MTHFD2L: variants seen among roughly 807,000 people sequenced by gnomAD.
MTHFD2L encodes bifunctional methylenetetrahydrofolate dehydrogenase/cyclohydrolase 2, mitochondrial.
A neutral mutation model predicts 34.9 loss-of-function variants in MTHFD2L; 29 were observed. The observed-to-expected ratio is 0.83, with a 90% CI of 0.62 to 1.13. MTHFD2L has a LOEUF of 1.13. Among genes scored for constraint, MTHFD2L ranks in the 50% most tolerant of loss-of-function variants. The pLI, the probability that MTHFD2L is intolerant of heterozygous loss-of-function variation, is 0.00. For missense variants in MTHFD2L, 481 were observed against 446.5 expected (o/e 1.08, Z -0.70); for synonymous variants, 167 against 155.7 (o/e 1.07, Z -0.54).
At chr4:74,164,999 A>G (rs1298453951) in intron 1 of MTHFD2L, 1 of 985,302 alleles carries the variant, frequency 1.0e-6, no homozygotes, top group Non-Finnish European at 1.2e-6. Flanking sequence ...TAAGGGGTCA[A>G]ATGGATTTTA....
intron 5 of MTHFD2L, among the ~76,000 whole-genome samples, chr4:74,204,773 T>G (rs1431253740): frequency 6.6e-6 from 1 of 152,176 alleles, no homozygotes; most frequent in African/African-American, 2.4e-5. Flanking sequence ...GAATTAAACA[T>G]TTTAATTTAT....
intron 6 of MTHFD2L, among the ~76,000 whole-genome samples, chr4:74,261,270 G>C (rs561023266): frequency 6.6e-6 from 1 of 152,008 alleles, no homozygotes; most frequent in Non-Finnish European, 1.5e-5. Context: ...GAACTAATGA[G>C]AAAGTTCAGC....
At chr4:74,299,203 AT>A (rs1214461831) in intron 7 of MTHFD2L, among the ~76,000 whole-genome samples, 8 of 151,822 alleles carry the variant, frequency 5.3e-5, no homozygotes. Context: ...TTTGAAATAA[AT>A]CATTTTGTTT....
intron 6 of MTHFD2L, among the ~76,000 whole-genome samples, chr4:74,228,810 G>C (rs1739575285): frequency 6.6e-6 from 1 of 152,190 alleles, no homozygotes; most frequent in Non-Finnish European, 1.5e-5. Flanking sequence ...CAAGACAGGA[G>C]CCAGGAGGTA....
chr4:74,169,464 C>G (rs1440407), intron 1 of MTHFD2L, among the ~76,000 whole-genome samples: 119,430 of 152,240 alleles, frequency 0.78, 51,911 homozygotes, highest in Non-Finnish European at 0.96. Flanking sequence ...TCAGCAGTAG[C>G]ATCACTACTC....
rs1188474492 is a variant in MTHFD2L, at chr4:74,194,672, T to C, written c.452-5122T>C. 3 of 152,210 alleles carry C rather than the reference T, an allele frequency of 2.0e-5. No homozygotes were observed. The East Asian group carries it at 5.8e-4, about 29-fold the overall frequency. The allele number at this position is 152,210 out of a possible 1,614,324, so 9.4% of individuals were successfully genotyped here. On this transcript the variant is annotated intron_variant, in intron 3 of 7. Coordinates refer to ENST00000325278, the MANE Select transcript of MTHFD2L (RefSeq NM_001144978.3). ...TTAGCCTAAAGGTTTTTCTGTATAT[T>C]GTGAACTATAACAAGTAGAGGTGTA... is the stretch of plus-strand genomic sequence containing the variant.
At chr4:74,270,414 T>C (rs754235784) in intron 6 of MTHFD2L, among the ~76,000 whole-genome samples, 2 of 150,978 alleles carry the variant, frequency 1.3e-5, no homozygotes, top group Non-Finnish European at 3.0e-5. Context: ...AGTGAGAACA[T>C]GCAGTGTTTG....
chr4:74,300,572 T>C (rs915591801), intron 7 of MTHFD2L, among the ~76,000 whole-genome samples: 3 of 152,108 alleles, frequency 2.0e-5, no homozygotes, highest in Non-Finnish European at 4.4e-5. Context: ...GCTAACTTTT[T>C]ACTAAAAGTT....
At chr4:74,165,914 TAAAAG>T (rs1337621127) in intron 1 of MTHFD2L, among the ~76,000 whole-genome samples, 2 of 151,750 alleles carry the variant, frequency 1.3e-5, no homozygotes, top group Non-Finnish European at 2.9e-5. Context: ...AATATTTAGA[TAAAAG>T]AAATAAGTTG....
At chr4:74,281,348 TGTA>T in intron 6 of MTHFD2L, 74 bp from the exon 7 acceptor site, 2 of 1,377,288 alleles carry the variant, frequency 1.5e-6, no homozygotes, top group Admixed American at 1.8e-5. Context: ...TGTGTGTGTG[TGTA>T]TTTTTAAAGC....
intron 1 of MTHFD2L, among the ~76,000 whole-genome samples, chr4:74,129,080 TG>T (rs1161188892): frequency 6.6e-6 from 1 of 152,098 alleles, no homozygotes; most frequent in Non-Finnish European, 1.5e-5. Flanking sequence ...TTTTGCATTG[TG>T]GTTACCTTGA....
intron 2 of MTHFD2L, among the ~76,000 whole-genome samples, chr4:74,117,750 A>ATC (rs1721679751): frequency 6.6e-6 from 1 of 152,182 alleles, no homozygotes; most frequent in Non-Finnish European, 1.5e-5. Context: ...GAGCACACAG[A>ATC]TGTAAACACT....
At chr4:74,150,373 C>G (rs759631571) in intron 1 of MTHFD2L, among the ~76,000 whole-genome samples, 1 of 152,182 alleles carries the variant, frequency 6.6e-6, no homozygotes, top group East Asian at 1.9e-4. Context: ...CCTGCCTTAG[C>G]CTCCTGAGTA....
intron 6 of MTHFD2L, among the ~76,000 whole-genome samples, chr4:74,247,640 T>A (rs184637213): frequency 0.017 from 2,604 of 152,256 alleles, 92 homozygotes; most frequent in African/African-American, 0.06. Context: ...GCTTATTATT[T>A]TGAGATACGT....
intron 1 of MTHFD2L, among the ~76,000 whole-genome samples, chr4:74,135,695 A>T (rs567275667): frequency 1.3e-5 from 2 of 150,052 alleles, no homozygotes; most frequent in African/African-American, 2.4e-5. Context: ...ACAAGGACAC[A>T]TTTTTTTTTT....
chr4:74,214,036 GTGC>G (rs1188704924), intron 5 of MTHFD2L, among the ~76,000 whole-genome samples: 1 of 151,598 alleles, frequency 6.6e-6, no homozygotes, highest in Non-Finnish European at 1.5e-5. Context: ...CAAAGTTCTC[GTGC>G]TGTGTTTTTC....
At chr4:74,152,570 T>C (rs200620427) in intron 1 of MTHFD2L, among the ~76,000 whole-genome samples, 1 of 152,106 alleles carries the variant, frequency 6.6e-6, no homozygotes, top group East Asian at 1.9e-4. Context: ...AGGTTTGTTA[T>C]ATAGGTATAC....
At chr4:74,157,832 G>T (rs562104199), upstream of MTHFD2L, 1 of 573,958 alleles carries the variant, frequency 1.7e-6, no homozygotes, top group Non-Finnish European at 3.3e-6. Context: ...CCGTCGCTAT[G>T]GGAATGCCAG....
At chr4:74,290,774 C>G (rs1748793410) in intron 7 of MTHFD2L, among the ~76,000 whole-genome samples, 1 of 151,828 alleles carries the variant, frequency 6.6e-6, no homozygotes, top group African/African-American at 2.4e-5. Flanking sequence ...CTTTTCTGGC[C>G]TAAACTCTCT....
Sources: allele counts gnomAD v4.1 joint callset (sites outside exome capture counted in the v4.1 genomes callset), GRCh38; gene constraint gnomAD v4.1.1; transcripts MANE v1.5; gene names NCBI Gene and HGNC (gene_info 2026-07-23, HGNC 2026-07-21).